The following SYN3 variants were observed in gnomAD, a reference collection of about 807,000 sequenced individuals.
SYN3 encodes synapsin III.
Under a neutral mutation model 65.8 loss-of-function variants are expected in SYN3, and 35 were observed. That is an observed-to-expected ratio of 0.53 (90% confidence interval 0.41 to 0.70). The LOEUF (loss-of-function observed/expected upper bound fraction) is 0.70, where lower values mean the gene tolerates loss of function less well. SYN3 is among the 30% of genes least tolerant of loss of function. SYN3 has a pLI of 0.00. For synonymous variants in SYN3, 270 were observed against 292.9 expected (o/e 0.92, Z 0.80); for missense variants, 680 against 749.0 (o/e 0.91, Z 1.08).
intron 3 of SYN3, among the ~76,000 whole-genome samples, chr22:32,972,157 C>G (rs957019884): frequency 2.6e-5 from 4 of 152,166 alleles, no homozygotes; most frequent in South Asian, 2.1e-4. Context: ...ACCTGCAATG[C>G]TTTTGGAACA....
intron 7 of SYN3, among the ~76,000 whole-genome samples, chr22:32,567,141 G>A (rs964736689): frequency 6.6e-6 from 1 of 152,136 alleles, no homozygotes; most frequent in Admixed American, 6.5e-5. Flanking sequence ...GCTTCACCAG[G>A]ACCCACTAGG....
At chr22:32,667,704 C>T (rs1434976006) in intron 6 of SYN3, among the ~76,000 whole-genome samples, 12 of 152,010 alleles carry the variant, frequency 7.9e-5, no homozygotes, top group Non-Finnish European at 1.3e-4. Flanking sequence ...TTCTGCATTT[C>T]GCTTAGGTTT....
At chr22:32,870,925 T>C (rs759991963) in intron 4 of SYN3, among the ~76,000 whole-genome samples, 5 of 152,212 alleles carry the variant, frequency 3.3e-5, no homozygotes, top group South Asian at 2.1e-4. Context: ...ATCCATCATG[T>C]GTGGCAATGT....
chr22:32,680,593 C>T (rs1226135752), intron 6 of SYN3, among the ~76,000 whole-genome samples: 1 of 152,188 alleles, frequency 6.6e-6, no homozygotes, highest in Non-Finnish European at 1.5e-5. Context: ...ACAAAGCCTC[C>T]TTAGATCTAG....
At chr22:32,633,344 A>T (rs2059771796) in intron 6 of SYN3, among the ~76,000 whole-genome samples, 2 of 152,158 alleles carry the variant, frequency 1.3e-5, no homozygotes, top group South Asian at 2.1e-4. Flanking sequence ...TCACACAGTT[A>T]AGTGGCAGAG....
At chr22:32,654,508 A>G (rs1002694496) in intron 6 of SYN3, among the ~76,000 whole-genome samples, 1 of 152,010 alleles carries the variant, frequency 6.6e-6, no homozygotes, top group Non-Finnish European at 1.5e-5. Context: ...TGCCACCCAG[A>G]CGGGACAGCT....
intron 6 of SYN3, among the ~76,000 whole-genome samples, chr22:32,620,575 C>G (rs755083251): frequency 1.3e-5 from 2 of 152,074 alleles, no homozygotes; most frequent in Non-Finnish European, 2.9e-5. Flanking sequence ...TTCAGTGGGT[C>G]AATGGTTGTC....
At chr22:32,730,995 T>C (rs1481980899) in intron 6 of SYN3, among the ~76,000 whole-genome samples, 2 of 152,144 alleles carry the variant, frequency 1.3e-5, no homozygotes, top group East Asian at 1.9e-4. Context: ...TGTCACCAGA[T>C]TGCACGGTCC....
intron 7 of SYN3, among the ~76,000 whole-genome samples, chr22:32,579,485 C>A (rs975400048): frequency 2.0e-5 from 3 of 152,160 alleles, no homozygotes; most frequent in Non-Finnish European, 4.4e-5. Flanking sequence ...ATCCTATTCA[C>A]GTGGGCAGAG....
intron 1 of SYN3, chr22:33,015,410 G>T: frequency 2.8e-6 from 1 of 353,674 alleles, no homozygotes; most frequent in South Asian, 2.8e-5. Context: ...ATTTCTTTAG[G>T]AAATACAAAG....
chr22:32,538,941 G>A (rs1020197289), intron 8 of SYN3, among the ~76,000 whole-genome samples: 2 of 152,108 alleles, frequency 1.3e-5, no homozygotes, highest in African/African-American at 2.4e-5. Flanking sequence ...AGTGGGATCC[G>A]GCAGGTAGTA....
At chr22:32,873,148 G>T (rs571569032) in intron 4 of SYN3, among the ~76,000 whole-genome samples, 108 of 152,118 alleles carry the variant, frequency 7.1e-4, no homozygotes, top group Non-Finnish European at 1.3e-3. Context: ...GCAAGGTTTT[G>T]CCATTTTGGA....
At chr22:32,609,246 T>C (rs1296981140) in intron 6 of SYN3, among the ~76,000 whole-genome samples, 2 of 151,740 alleles carry the variant, frequency 1.3e-5, no homozygotes, top group East Asian at 1.9e-4. Flanking sequence ...ATGGCGTGAA[T>C]CCGGGAGGCG....
chr22:32,956,345 A>G (rs1354742806), intron 3 of SYN3, among the ~76,000 whole-genome samples: 1 of 151,918 alleles, frequency 6.6e-6, no homozygotes, highest in Admixed American at 6.6e-5. Flanking sequence ...TAGTAGAGAC[A>G]GTGTTTCACC....
At chr22:33,027,845 CT>C (rs1250455921) in intron 1 of SYN3, among the ~76,000 whole-genome samples, 1 of 152,222 alleles carries the variant, frequency 6.6e-6, no homozygotes, top group Non-Finnish European at 1.5e-5. Flanking sequence ...AGTTCAACAA[CT>C]TCATTTCATC....
intron 5 of SYN3, among the ~76,000 whole-genome samples, chr22:32,866,141 G>C (rs974057080): frequency 2.0e-5 from 3 of 152,194 alleles, no homozygotes; most frequent in African/African-American, 7.2e-5. Context: ...GAGCAAATCA[G>C]ATTCCGAACA....
rs550567328 is a variant in SYN3 at position 32,711,214 on chromosome 22, G to A, written c.712-114478C>T. 1.9e-3 allele frequency among the ~76,000 whole-genome samples: 291 copies of A among 152,318 alleles called. 2 individuals are homozygous for A. Among genetic ancestry groups the A allele is most frequent in the African/African-American group, 6.8e-3 (281 of 41,564 alleles). On this transcript the variant is annotated intron_variant, in intron 6 of 13. Transcript: ENST00000358763. ...GCTGGGTGGCCAGGATTTTTTGAGT[G>A]CACATGCTCCAGTGCTGAGTTTTGC...
At chr22:33,043,781 G>T (rs1023419079) in intron 1 of SYN3, among the ~76,000 whole-genome samples, 2 of 151,400 alleles carry the variant, frequency 1.3e-5, no homozygotes, top group East Asian at 3.9e-4. Context: ...TGGGTCAGGC[G>T]CAGTGGCTCA....
At chr22:32,981,228 T>C (rs534514648) in intron 2 of SYN3, among the ~76,000 whole-genome samples, 20 of 151,966 alleles carry the variant, frequency 1.3e-4, no homozygotes, top group African/African-American at 4.8e-4. Context: ...CAAGTTCTAG[T>C]TCTGTCACGT....
Sources: gnomAD v4.1 joint callset for allele counts (sites outside exome capture counted in the v4.1 genomes callset) on GRCh38, gnomAD v4.1.1 for gene constraint, MANE v1.5 for transcripts, NCBI Gene and HGNC (gene_info 2026-07-23, HGNC 2026-07-21) for gene names.